ANGPT2: variants seen among roughly 807,000 people sequenced by gnomAD.
ANGPT2 encodes the protein angiopoietin-2.
In ANGPT2, 28 loss-of-function variants were observed where a neutral mutation model predicts 62.9. That is an observed-to-expected ratio of 0.44 (90% CI 0.33 to 0.61). The LOEUF (loss-of-function observed/expected upper bound fraction) is 0.61. ANGPT2 is among the 20% of genes least tolerant of loss of function. ANGPT2 has a pLI of 0.03. For synonymous variants in ANGPT2, 284 were observed against 207.8 expected (o/e 1.37, Z -3.15); for missense variants, 727 against 594.9 (o/e 1.22, Z -2.31).
At chr8:6,525,251 C>T (rs866876942) in intron 3 of ANGPT2, among the ~76,000 whole-genome samples, 5 of 152,242 alleles carry the variant, frequency 3.3e-5, no homozygotes, top group Middle Eastern at 3.4e-3. Context: ...GCCCCCTGAT[C>T]GTTGTAAATT....
rs968438676 is a variant in ANGPT2, at chr8:6,506,285, T to C, written c.1327+2647A>G. On this transcript the variant is annotated intron_variant, in intron 8 of 8. Coordinates refer to ENST00000629816, the MANE Select transcript of ANGPT2 (RefSeq NM_001118887.2). ...GTCCATGCAAAATGGAGCTGCTCATTAGGCTGGTTCATTCATGGTCCAGAC... is the reference window on the plus strand; with the variant it reads ...GTCCATGCAAAATGGAGCTGCTCATCAGGCTGGTTCATTCATGGTCCAGAC... Among the ~76,000 whole-genome samples the C allele has an allele frequency of 2.0e-5, 3 of 152,082 alleles. No homozygotes were observed. The East Asian group carries it at 5.8e-4, about 29-fold the overall frequency.
intron 1 of ANGPT2, among the ~76,000 whole-genome samples, chr8:6,545,332 C>T (rs576028921): frequency 6.6e-6 from 1 of 152,226 alleles, no homozygotes; most frequent in Admixed American, 6.5e-5. Flanking sequence ...TATACTTTAT[C>T]CATTTCCTGT....
chr8:6,501,976 G>A lies in ANGPT2; in HGVS notation c.*1125C>T, dbSNP rs1812290589. 1 of 148,490 alleles carries A rather than the reference G, an allele frequency of 6.7e-6. No individual in the cohort carries two copies. Among genetic ancestry groups the A allele is most frequent in the South Asian group, 2.1e-4 (1 of 4,678 alleles). The allele number at this position is 148,490 out of a possible 1,614,324, so 9.2% of individuals were successfully genotyped here. A position where few individuals can be genotyped will look rare whatever the true frequency, so the allele number is the denominator to read the frequency against. On this transcript the variant is annotated 3_prime_UTR_variant, in exon 9 of 9. Transcript: ENST00000629816. ...GATTGACATAAAAAAACTTACTAGT[G>A]TCAATTATTTTTTTCCTTAAGTAAA...
At chr8:6,508,836 G>A (rs781331587) in intron 8 of ANGPT2, 96 bp downstream of exon 8, 64 of 1,532,846 alleles carry the variant, frequency 4.2e-5, no homozygotes, top group Middle Eastern at 1.7e-4. Flanking sequence ...TGTGGACATC[G>A]TTACAAATCA....
At chr8:6,536,332 G>A (rs541796749) in intron 1 of ANGPT2, among the ~76,000 whole-genome samples, 1 of 152,238 alleles carries the variant, frequency 6.6e-6, no homozygotes, top group African/African-American at 2.4e-5. Context: ...TGGATGCAGG[G>A]CTGAGCACTG....
intron 3 of ANGPT2, among the ~76,000 whole-genome samples, chr8:6,526,881 A>AT (rs891585547): frequency 2.8e-4 from 43 of 151,630 alleles, no homozygotes; most frequent in Admixed American, 2.6e-3. Flanking sequence ...ATCCCCTACA[A>AT]TTTTTTTTCT....
rs1000942975 is a variant in ANGPT2 at position 6,513,418 on chromosome 8, C to T, written c.1196+260G>A. 3.3e-5 allele frequency among the ~76,000 whole-genome samples: 5 copies of T among 151,520 alleles called. No homozygotes were observed. In the East Asian group the frequency reaches 5.8e-4, roughly 18 times the overall value. Reference sequence around the variant, plus strand: ...CACGATCTCGGCTCACTGCAAGCTCCGCCTCCCGGGTTCACGCCATTCTTC... The same window carrying T: ...CACGATCTCGGCTCACTGCAAGCTCTGCCTCCCGGGTTCACGCCATTCTTC... On this transcript the variant is annotated intron_variant, in intron 7 of 8. Transcript: ENST00000629816.
At chr8:6,542,971 C>G (rs938315369) in intron 1 of ANGPT2, among the ~76,000 whole-genome samples, 1 of 152,074 alleles carries the variant, frequency 6.6e-6, no homozygotes, top group South Asian at 2.1e-4. Context: ...CGGCAGGAAG[C>G]GTGTGTTGTT....
At chr8:6,504,056 C>T (rs912873165) in intron 8 of ANGPT2, among the ~76,000 whole-genome samples, 2 of 152,174 alleles carry the variant, frequency 1.3e-5, no homozygotes, top group Admixed American at 6.5e-5. Context: ...CAGTGGCTCA[C>T]GCCTGTAATC....
intron 1 of ANGPT2, among the ~76,000 whole-genome samples, chr8:6,547,932 G>C (rs1376216204): frequency 6.7e-6 from 1 of 149,314 alleles, no homozygotes; most frequent in African/African-American, 2.5e-5. Context: ...TACTTCTCTA[G>C]TTTGGGTTAT....
At chr8:6,547,857 GT>G in intron 1 of ANGPT2, among the ~76,000 whole-genome samples, 1 of 149,650 alleles carries the variant, frequency 6.7e-6, no homozygotes, top group East Asian at 2.0e-4. Flanking sequence ...AGGTTTGTTT[GT>G]TTGTTTCAGT....
intron 1 of ANGPT2, among the ~76,000 whole-genome samples, chr8:6,555,638 T>G (rs1824472871): frequency 1.3e-5 from 2 of 152,054 alleles, no homozygotes; most frequent in South Asian, 4.2e-4. Context: ...ATTTTTATAT[T>G]TTTTGGTAGA....
intron 8 of ANGPT2, among the ~76,000 whole-genome samples, chr8:6,504,576 G>T (rs997427410): frequency 6.6e-6 from 1 of 152,122 alleles, no homozygotes. Context: ...AAGTGCAAGA[G>T]TGATGATGCT....
In ANGPT2 at chr8:6,514,711, A is replaced by T. The variant is rs762089580; in HGVS notation, c.995T>A (p.Val332Asp). ...TIIQRREDGS[V>D]DFQRTWKEYK... ...TTCTTTCCAAGTCCTCTGAAAATCA[A>T]CGCTGCCATCCTCACGTCGCTGAAT... Residue 332 changes from valine (V) to aspartate (D), a missense_variant, in exon 6 of 9, where the codon GTT becomes GAT. Coordinates refer to ENST00000629816, the MANE Select transcript of ANGPT2 (RefSeq NM_001118887.2). 1.2e-6 allele frequency: 2 copies of T among 1,614,054 alleles called. No individual in the cohort carries two copies. The highest frequency in any genetic ancestry group is 1.7e-5 in the Admixed American group (1 of 60,002).
rs1409390336 is a variant in ANGPT2, at chr8:6,539,193, G to A, written c.289-6706C>T. On this transcript the variant is annotated intron_variant, in intron 1 of 8. Transcript: ENST00000629816. ...CTAAACCCCTCGCCAGAGCCTGGGG[G>A]GTAGGCACAGTACCCACAGTGAGAG... Among the ~76,000 whole-genome samples the A allele has an allele frequency of 2.6e-5, 4 of 152,266 alleles. No homozygotes were observed. In the South Asian group the frequency reaches 8.3e-4, roughly 32 times the overall value.
At chr8:6,521,114 T>C in intron 4 of ANGPT2, 64 bp downstream of exon 4, 1 of 1,342,926 alleles carries the variant, frequency 7.4e-7, no homozygotes, top group Non-Finnish European at 1.0e-6. Flanking sequence ...AATTTTTTAG[T>C]CTTTTGAGTG....
chr8:6,543,712 A>G lies in ANGPT2; in HGVS notation c.289-11225T>C, dbSNP rs187330267. Among the ~76,000 whole-genome samples the G allele has an allele frequency of 2.3e-3, 346 of 152,142 alleles. 3 individuals are homozygous for G. Among genetic ancestry groups the G allele is most frequent in the African/African-American group, 8.1e-3 (336 of 41,486 alleles). ...TCTGAACTATTTAGGAAGATAATCT[A>G]CCCCTTGTATTGGATGAGATGATCT... On this transcript the variant is annotated intron_variant, in intron 1 of 8. Coordinates refer to ENST00000629816, the MANE Select transcript of ANGPT2 (RefSeq NM_001118887.2).
At chr8:6,515,832 C>T (rs762215694) in intron 5 of ANGPT2, among the ~76,000 whole-genome samples, 17 of 152,188 alleles carry the variant, frequency 1.1e-4, no homozygotes, top group Non-Finnish European at 1.9e-4. Flanking sequence ...AGCTTCAACG[C>T]ACACTGTTCT....
chr8:6,504,256 TGCAGTGAGCC>T (rs1812802442), intron 8 of ANGPT2, among the ~76,000 whole-genome samples: 1 of 139,390 alleles, frequency 7.2e-6, no homozygotes, highest in South Asian at 2.2e-4. Context: ...AGGCGGAGCT[TGCAGTGAGCC>T]GAGATCGCGC....
Sources: gnomAD v4.1 joint callset for allele counts (sites outside exome capture counted in the v4.1 genomes callset) on GRCh38, gnomAD v4.1.1 for gene constraint, MANE v1.5 for transcripts, NCBI Gene and HGNC (gene_info 2026-07-23, HGNC 2026-07-21) for gene names.